Variants in KCNIP3 observed in about 807,000 individuals in gnomAD.
The protein encoded by KCNIP3 is calsenilin.
KCNIP3 carries 28 observed loss-of-function variants against 35.0 expected under a neutral mutation model. The ratio of observed to expected loss-of-function variants is 0.80; its 90% CI spans 0.59 to 1.10. KCNIP3 has a LOEUF of 1.10. KCNIP3 is among the 50% of genes least tolerant of loss of function. KCNIP3 has a pLI of 0.00. For synonymous variants in KCNIP3, 134 were observed against 133.8 expected (o/e 1.00, Z -0.01); for missense variants, 295 against 338.4 (o/e 0.87, Z 1.01).
intron 2 of KCNIP3, among the ~76,000 whole-genome samples, chr2:95,321,075 C>T (rs1263976433): frequency 1.4e-5 from 2 of 143,622 alleles, no homozygotes; most frequent in African/African-American, 2.6e-5. Flanking sequence ...CCTCTCCTCC[C>T]TGGCCCTGCC....
chr2:95,379,883 A>G (rs1238375271), intron 5 of KCNIP3, among the ~76,000 whole-genome samples: 1 of 152,162 alleles, frequency 6.6e-6, no homozygotes, highest in East Asian at 1.9e-4. Flanking sequence ...AAATTTCACC[A>G]TGATCTATGC....
chr2:95,354,418 C>T (rs1319923583), intron 2 of KCNIP3, among the ~76,000 whole-genome samples: 1 of 152,234 alleles, frequency 6.6e-6, no homozygotes, highest in Non-Finnish European at 1.5e-5. Context: ...CTTGGCCCTA[C>T]CTTTACAGTA....
At chr2:95,354,260 G>C (rs1679598580) in intron 2 of KCNIP3, among the ~76,000 whole-genome samples, 1 of 152,236 alleles carries the variant, frequency 6.6e-6, no homozygotes, top group African/African-American at 2.4e-5. Flanking sequence ...AGAGCAGCAG[G>C]GGCGTGTGTC....
chr2:95,361,429 G>A (rs1021686811), intron 2 of KCNIP3, among the ~76,000 whole-genome samples: 1 of 152,164 alleles, frequency 6.6e-6, no homozygotes, highest in Non-Finnish European at 1.5e-5. Context: ...CCATTCTGGA[G>A]TGGAAATCAG....
intron 2 of KCNIP3, among the ~76,000 whole-genome samples, chr2:95,339,228 C>G (rs1679134429): frequency 1.3e-5 from 2 of 152,144 alleles, no homozygotes; most frequent in Admixed American, 1.3e-4. Context: ...AGGTGTCCCC[C>G]CTCCTCCTTC....
At chr2:95,297,603 C>G (rs1483408781) in intron 1 of KCNIP3, 150 bp downstream of exon 1, 1 of 694,320 alleles carries the variant, frequency 1.4e-6, no homozygotes, top group Admixed American at 2.9e-5. Flanking sequence ...AGCGTTGGGG[C>G]GTCCTGGCTG....
chr2:95,319,983 G>T (rs1678553024), intron 2 of KCNIP3, among the ~76,000 whole-genome samples: 1 of 152,176 alleles, frequency 6.6e-6, no homozygotes, highest in Admixed American at 6.5e-5. Flanking sequence ...GGCCCCAGGT[G>T]CCTCTCCTGG....
At chr2:95,335,759 C>T (rs1298031818) in intron 2 of KCNIP3, among the ~76,000 whole-genome samples, 1 of 152,112 alleles carries the variant, frequency 6.6e-6, no homozygotes, top group Admixed American at 6.5e-5. Flanking sequence ...AGTATTTCTT[C>T]TAATTCTAAT....
intron 2 of KCNIP3, among the ~76,000 whole-genome samples, chr2:95,349,676 G>A (rs1005010739): frequency 6.6e-6 from 1 of 152,202 alleles, no homozygotes; most frequent in Non-Finnish European, 1.5e-5. Context: ...GCATGGGCCT[G>A]GCCAGAGGCC....
chr2:95,350,164 G>T (rs191404398), intron 2 of KCNIP3, among the ~76,000 whole-genome samples: 1 of 152,262 alleles, frequency 6.6e-6, no homozygotes, highest in East Asian at 1.9e-4. Flanking sequence ...GGTGGGCCCC[G>T]GCAGGCAGCA....
chr2:95,358,841 T>G (rs1679721270), intron 2 of KCNIP3, among the ~76,000 whole-genome samples: 1 of 151,938 alleles, frequency 6.6e-6, no homozygotes. Context: ...TTCTTAAAGG[T>G]CCCACCTCTT....
chr2:95,379,545 ACT>A (rs772859476), intron 5 of KCNIP3, among the ~76,000 whole-genome samples: 2 of 151,810 alleles, frequency 1.3e-5, no homozygotes, highest in Non-Finnish European at 2.9e-5. Flanking sequence ...CTCTTGCTTT[ACT>A]CTCTGTGTGT....
intron 2 of KCNIP3, among the ~76,000 whole-genome samples, chr2:95,325,682 C>T (rs1457318539): frequency 6.6e-6 from 1 of 151,586 alleles, no homozygotes; most frequent in Non-Finnish European, 1.5e-5. Context: ...CATACACACT[C>T]ATACACATAC....
In KCNIP3 at chr2:95,328,728, G is replaced by T. The variant is rs533082038; in HGVS notation, c.181+18208G>T. Among the ~76,000 whole-genome samples the T allele has an allele frequency of 7.9e-5, 12 of 152,376 alleles. No homozygotes were observed. The South Asian group carries it at 2.5e-3, about 32-fold the overall frequency. The stretch of plus-strand genomic sequence containing the variant: ...CTACAGTCAGATCTGCTAACTGACC[G>T]CCAGGGAGCCTGGCCTGAGCAGGCA... On this transcript the variant is annotated intron_variant, in intron 2 of 8. Transcript: ENST00000295225.
chr2:95,375,241 G>A, intron 5 of KCNIP3, 33 bp downstream of exon 5: 2 of 1,598,054 alleles, frequency 1.3e-6, no homozygotes, highest in South Asian at 2.2e-5. Flanking sequence ...CACGTGTCCT[G>A]CCCCTGTGGT....
In KCNIP3 at chr2:95,374,871, C is replaced by T. The variant is rs762093531; in HGVS notation, c.330C>T (p.Asp110=). ...FKNECPTGLV[D]EDTFKLIYAQ... ...AGGAGTGTCCCACGGGCCTGGTGGA[C>T]GAAGACACCTTCAAACTCATTTACG... The change falls in exon 4 of 9, where the codon GAC becomes GAT. Residue 110 remains aspartate, a synonymous_variant. Coordinates refer to ENST00000295225, the MANE Select transcript of KCNIP3 (RefSeq NM_013434.5). The T allele has an allele frequency of 9.9e-6, 16 of 1,613,798 alleles. No homozygotes were observed. The highest frequency in any genetic ancestry group is 1.2e-5 in the Non-Finnish European group (14 of 1,180,002).
At chr2:95,374,809 G>C (rs1405326853) in intron 3 of KCNIP3, 39 bp from the exon 4 acceptor site, 2 of 1,604,772 alleles carry the variant, frequency 1.2e-6, no homozygotes, top group Non-Finnish European at 1.7e-6. Flanking sequence ...CTTGGAGCTG[G>C]GGGTGGCCGA....
intron 1 of KCNIP3, among the ~76,000 whole-genome samples, chr2:95,304,534 C>T (rs1483611362): frequency 6.6e-6 from 1 of 152,156 alleles, no homozygotes; most frequent in Non-Finnish European, 1.5e-5. Context: ...CAGGCCAAAG[C>T]CCCCAGGACG....
At chr2:95,302,456 G>A (rs2104198346) in intron 1 of KCNIP3, among the ~76,000 whole-genome samples, 2 of 152,326 alleles carry the variant, frequency 1.3e-5, no homozygotes, top group East Asian at 3.9e-4. Flanking sequence ...GGCAGATGGT[G>A]AGAGCCTCCC....
Sources: gnomAD v4.1 joint callset for allele counts (sites outside exome capture counted in the v4.1 genomes callset) on GRCh38, gnomAD v4.1.1 for gene constraint, MANE v1.5 for transcripts, NCBI Gene and HGNC (gene_info 2026-07-23, HGNC 2026-07-21) for gene names.